PLCH1: variants seen among roughly 807,000 people sequenced by gnomAD.
PLCH1 encodes the protein phospholipase C eta 1.
In PLCH1, 60 loss-of-function variants were observed where a neutral mutation model predicts 126.7. The ratio of observed to expected loss-of-function variants is 0.47; its 90% CI spans 0.38 to 0.59. PLCH1 has a LOEUF of 0.59. Ranked by LOEUF, PLCH1 falls within the 20% of genes least tolerant of loss-of-function variation. The pLI is 0.00. For synonymous variants in PLCH1, 719 were observed against 734.9 expected (o/e 0.98, Z 0.35); for missense variants, 1,723 against 2,040.0 (o/e 0.84, Z 2.99).
At chr3:155,473,381 C>CT (rs1448525990) in intron 21 of PLCH1, among the ~76,000 whole-genome samples, 1 of 152,070 alleles carries the variant, frequency 6.6e-6, no homozygotes, top group Admixed American at 6.5e-5. Flanking sequence ...ACGTGAAGGA[C>CT]CTCTTCAAGG....
At chr3:155,621,463 C>A (rs1411056360) in intron 2 of PLCH1, among the ~76,000 whole-genome samples, 6 of 152,194 alleles carry the variant, frequency 3.9e-5, no homozygotes, top group Non-Finnish European at 1.5e-5. Flanking sequence ...CAAACCCCTC[C>A]AAGCTAAAGG....
At chr3:155,534,415 C>A (rs1723083274) in intron 10 of PLCH1, among the ~76,000 whole-genome samples, 1 of 152,160 alleles carries the variant, frequency 6.6e-6, no homozygotes, top group African/African-American at 2.4e-5. Flanking sequence ...GGAATGGGAG[C>A]ATTTATCCAA....
At chr3:155,694,916 G>T (rs1272943246) in intron 2 of PLCH1, among the ~76,000 whole-genome samples, 1 of 145,136 alleles carries the variant, frequency 6.9e-6, no homozygotes, top group Non-Finnish European at 1.5e-5. Context: ...CCAACCCCAG[G>T]CCTCTTTTCT....
intron 2 of PLCH1, among the ~76,000 whole-genome samples, chr3:155,615,123 G>A (rs1735623808): frequency 6.6e-6 from 1 of 152,032 alleles, no homozygotes; most frequent in Admixed American, 6.6e-5. Context: ...AAGTGGGTAA[G>A]GACATGAAAA....
At chr3:155,708,315 G>A (rs1014456196) in intron 1 of PLCH1, among the ~76,000 whole-genome samples, 2 of 152,194 alleles carry the variant, frequency 1.3e-5, no homozygotes, top group African/African-American at 4.8e-5. Context: ...AGAGCTGTGC[G>A]ATAAGCCTCA....
At chr3:155,456,358 T>C (rs141138995) in intron 21 of PLCH1, among the ~76,000 whole-genome samples, 2,286 of 150,430 alleles carry the variant, frequency 0.015, 56 homozygotes, top group African/African-American at 0.054. Context: ...AAAAATCTCA[T>C]AATGGTTTAA....
At chr3:155,629,270 A>T (rs1237448516) in intron 2 of PLCH1, among the ~76,000 whole-genome samples, 1 of 152,214 alleles carries the variant, frequency 6.6e-6, no homozygotes, top group African/African-American at 2.4e-5. Context: ...CTACAGCAGG[A>T]CAATAAAACT....
At chr3:155,708,711 A>T (rs1480209072) in intron 1 of PLCH1, among the ~76,000 whole-genome samples, 1 of 152,192 alleles carries the variant, frequency 6.6e-6, no homozygotes. Flanking sequence ...GGATGGTTTT[A>T]AATTGATCAC....
chr3:155,469,583 G>C (rs1399826262), intron 21 of PLCH1, among the ~76,000 whole-genome samples: 1 of 152,012 alleles, frequency 6.6e-6, no homozygotes. Flanking sequence ...CACAGCTCAA[G>C]GAGGCCTGCC....
chr3:155,653,430 T>C (rs1293113545), intron 2 of PLCH1, among the ~76,000 whole-genome samples: 3 of 152,210 alleles, frequency 2.0e-5, no homozygotes, highest in Non-Finnish European at 2.9e-5. Context: ...TCCAAATGCC[T>C]TCCTTATGGC....
At chr3:155,681,681 AT>A (rs1744550614) in intron 2 of PLCH1, among the ~76,000 whole-genome samples, 1 of 152,236 alleles carries the variant, frequency 6.6e-6, no homozygotes, top group Admixed American at 6.5e-5. Context: ...ACCCAAAATC[AT>A]TGCTATAAGT....
intron 2 of PLCH1, among the ~76,000 whole-genome samples, chr3:155,662,348 G>T (rs1358866561): frequency 1.3e-5 from 2 of 152,068 alleles, no homozygotes; most frequent in Non-Finnish European, 2.9e-5. Context: ...CACACCTGTA[G>T]TTCCAGCTAC....
chr3:155,711,614 C>A (rs1747130678), intron 1 of PLCH1, among the ~76,000 whole-genome samples: 1 of 152,192 alleles, frequency 6.6e-6, no homozygotes, highest in South Asian at 2.1e-4. Flanking sequence ...AGAAATAGCA[C>A]CCCAGTTTTC....
rs200026583 is a variant in PLCH1, at chr3:155,481,655, A to G, written c.4371T>C (p.Ala1457=). 1 of 1,614,118 alleles carries G rather than the reference A, an allele frequency of 6.2e-7. No individual in the cohort carries two copies. ...TGGGTACAGGGACATGCATATCTTGAGCACTAGATTGCTGGGGCACACAGG... is the reference window on the plus strand; with the variant it reads ...TGGGTACAGGGACATGCATATCTTGGGCACTAGATTGCTGGGGCACACAGG... ...FQTCVPQQSS[A]QDMHVPVPKQ... The change falls in exon 23 of 23, where the codon GCT becomes GCC. Residue 1457 remains alanine, a synonymous_variant. Transcript: ENST00000460012. The surrounding 1 kb of genome is among the most constrained non-coding windows in gnomAD (Gnocchi z 4.2).
chr3:155,492,832 C>A lies in PLCH1; in HGVS notation c.2204G>T (p.Gly735Val). The change falls in exon 18 of 23, where the codon GGT (glycine) becomes GTT (valine). Residue 735 changes from glycine (G) to valine (V), a missense_variant. Physicochemically the swap from Gly to Val is moderately radical, Grantham distance 109. Transcript: ENST00000460012. ...TTTGGGGTTGGCAGGAAGAGGGTCA[C>A]CAGAGAAAGGGTTGAAAGTACCTAG... is the stretch of plus-strand genomic sequence containing the variant. ...MCKGTFNPFS[G>V]DPLPANPKKQ... 6.3e-7 allele frequency: 1 copy of A among 1,599,294 alleles called. No homozygotes were observed. Among genetic ancestry groups the A allele is most frequent in the Admixed American group, 1.8e-5 (1 of 57,106 alleles).
intron 1 of PLCH1, among the ~76,000 whole-genome samples, chr3:155,725,212 T>A (rs1015173015): frequency 2.6e-5 from 4 of 152,176 alleles, no homozygotes; most frequent in African/African-American, 9.7e-5. Context: ...AGAAATCTAC[T>A]GTTAATCTGA....
At chr3:155,568,754 C>CTGTGTGTGTGTGTGTGTGTG (rs3068946) in intron 6 of PLCH1, among the ~76,000 whole-genome samples, 3,225 of 147,154 alleles carry the variant, frequency 0.022, 61 homozygotes, top group African/African-American at 0.054. Flanking sequence ...AAATGTACCT[C>CTGTGTGTGTGTGTGTGTGTG]TGTGTGTGTG....
At chr3:155,732,621 T>C (rs996881532) in intron 1 of PLCH1, among the ~76,000 whole-genome samples, 1 of 152,010 alleles carries the variant, frequency 6.6e-6, no homozygotes, top group African/African-American at 2.4e-5. Flanking sequence ...TTCATGACTG[T>C]AATCCTAGCA....
At chr3:155,566,290 CGTATATATACACATATATAT>C in intron 7 of PLCH1, among the ~76,000 whole-genome samples, 1 of 28,434 alleles carries the variant, frequency 3.5e-5, no homozygotes, top group East Asian at 4.7e-4. Flanking sequence ...CATATATATA[CGTATATATACACATATATAT>C]ACATATATAC....
Sources: allele counts gnomAD v4.1 joint callset (sites outside exome capture counted in the v4.1 genomes callset), GRCh38; gene constraint gnomAD v4.1.1; non-coding constraint Gnocchi (gnomAD v3.1); transcripts MANE v1.5; gene names NCBI Gene and HGNC (gene_info 2026-07-23, HGNC 2026-07-21).